The following DLG2 variants were observed in gnomAD, a reference collection of about 807,000 sequenced individuals.
DLG2 encodes the protein disks large homolog 2.
A neutral mutation model predicts 132.5 loss-of-function variants in DLG2; 45 were observed. The ratio of observed to expected loss-of-function variants is 0.34; its 90% confidence interval spans 0.27 to 0.44. The LOEUF (loss-of-function observed/expected upper bound fraction) is 0.44. Ranked by LOEUF, DLG2 falls within the 20% of genes least tolerant of loss-of-function variation. DLG2 has a pLI of 1.00. For missense variants in DLG2, 1,045 were observed against 1,196.9 expected (o/e 0.87, Z 1.87); for synonymous variants, 424 against 419.6 (o/e 1.01, Z -0.13).
intron 6 of DLG2, among the ~76,000 whole-genome samples, chr11:84,698,351 T>G (rs2058840260): frequency 6.6e-6 from 1 of 151,532 alleles, no homozygotes; most frequent in Admixed American, 6.6e-5. Context: ...TTAGTTCATT[T>G]CCTTCTTACA....
chr11:84,374,546 ATTC>A (rs1334103102), intron 7 of DLG2, among the ~76,000 whole-genome samples: 16 of 151,994 alleles, frequency 1.1e-4, no homozygotes, highest in African/African-American at 1.9e-4. Context: ...GCCCAAGACA[ATTC>A]TTCTTCTTCC....
intron 11 of DLG2, among the ~76,000 whole-genome samples, chr11:83,983,509 A>G (rs960259899): frequency 6.6e-6 from 1 of 152,108 alleles, no homozygotes; most frequent in African/African-American, 2.4e-5. Context: ...CTCTTAAGAT[A>G]GCATAAATAG....
intron 6 of DLG2, among the ~76,000 whole-genome samples, chr11:84,854,093 C>A (rs1272045951): frequency 6.6e-6 from 1 of 151,946 alleles, no homozygotes; most frequent in Non-Finnish European, 1.5e-5. Flanking sequence ...TATATGTTGA[C>A]AGGATGAGGT....
intron 6 of DLG2, among the ~76,000 whole-genome samples, chr11:84,721,810 G>A (rs2061866779): frequency 6.6e-6 from 1 of 152,124 alleles, no homozygotes; most frequent in Non-Finnish European, 1.5e-5. Flanking sequence ...ACCCCTGTTT[G>A]CTTACCTGTA....
intron 6 of DLG2, among the ~76,000 whole-genome samples, chr11:85,092,882 C>G (rs952799884): frequency 6.6e-6 from 1 of 152,118 alleles, no homozygotes; most frequent in African/African-American, 2.4e-5. Flanking sequence ...ACCTCATGAT[C>G]CACCTGTCTT....
At chr11:85,544,805 AT>A (rs542883411) in intron 3 of DLG2, among the ~76,000 whole-genome samples, 152 of 152,254 alleles carry the variant, frequency 1.0e-3, no homozygotes, top group Middle Eastern at 6.8e-3. Context: ...TTACTGGCGT[AT>A]AAGAACGCTT....
intron 15 of DLG2, among the ~76,000 whole-genome samples, chr11:83,914,349 C>G (rs985864379): frequency 6.6e-6 from 1 of 152,182 alleles, no homozygotes; most frequent in Admixed American, 6.5e-5. Flanking sequence ...GATTCTCATA[C>G]AGCCTGCAGG....
intron 7 of DLG2, among the ~76,000 whole-genome samples, chr11:84,453,366 AG>A (rs2099056789): frequency 6.6e-6 from 1 of 151,652 alleles, no homozygotes; most frequent in South Asian, 2.1e-4. Flanking sequence ...GGGATAAGAA[AG>A]TTGAGGTTCT....
intron 17 of DLG2, among the ~76,000 whole-genome samples, chr11:83,802,762 A>T (rs981567928): frequency 6.6e-6 from 1 of 152,170 alleles, no homozygotes; most frequent in African/African-American, 2.4e-5. Context: ...AGCAAGCTGT[A>T]GAACTATATG....
intron 9 of DLG2, among the ~76,000 whole-genome samples, chr11:84,129,540 G>A (rs1020345418): frequency 1.3e-5 from 2 of 152,074 alleles, no homozygotes; most frequent in African/African-American, 4.8e-5. Context: ...CATGATGTGA[G>A]ATGGCCTGTC....
At chr11:85,449,790 G>GT (rs60329092) in intron 3 of DLG2, among the ~76,000 whole-genome samples, 140,333 of 144,688 alleles carry the variant, frequency 0.97, 68,090 homozygotes, top group Middle Eastern at 0.99. Flanking sequence ...ACTACCTAAA[G>GT]TTTTTTTTTT....
chr11:84,740,590 G>A (rs140962090), intron 6 of DLG2, among the ~76,000 whole-genome samples: 4 of 152,242 alleles, frequency 2.6e-5, no homozygotes, highest in Non-Finnish European at 4.4e-5. Flanking sequence ...AGTAGCTACT[G>A]CACCTCTCCA....
Position 84,502,218 on chromosome 11 carries a change from CCTTCCTTCCTTCCTTCCTTCCTTCCT to C in DLG2, c.519+32326_519+32351del, listed in dbSNP as rs2099212566. On this transcript the variant is annotated intron_variant, in intron 7 of 27. Transcript: ENST00000376104. Reference sequence around the variant, plus strand: ...TCTCTCTCTCCTTCCTTCCTTCCTTCCTTCCTTCCTTCCTTCCTTCCTTCCTTCCTTCCTTCCTTCCTTCCTTCCTT... The same window carrying C: ...TCTCTCTCTCCTTCCTTCCTTCCTTCTCCTTCCTTCCTTCCTTCCTTCCTT... 3.7e-3 allele frequency among the ~76,000 whole-genome samples: 43 copies of C among 11,678 alleles called. 8 individuals are homozygous for C. The highest frequency in any genetic ancestry group is 5.0e-3 in the Non-Finnish European group (35 of 6,980). The allele number at this position is 11,678 out of a possible 152,430, so 7.7% of individuals were successfully genotyped here.
chr11:83,937,728 AC>A (rs2081811220), intron 14 of DLG2, among the ~76,000 whole-genome samples: 2 of 152,142 alleles, frequency 1.3e-5, no homozygotes, highest in African/African-American at 4.8e-5. Context: ...CATATAAATA[AC>A]CTCACTAGGA....
rs562025780 is a variant in DLG2 at position 84,343,012 on chromosome 11, T to C, written c.520-91721A>G. On this transcript the variant is annotated intron_variant, in intron 7 of 27. Transcript: ENST00000376104. ...CCTGCCCTGTAGGATCTTTTCAGTC[T>C]AGTGAAGAAGGCAGTCTTACCAAAA... is the stretch of plus-strand genomic sequence containing the variant. 7.2e-5 allele frequency among the ~76,000 whole-genome samples: 11 copies of C among 152,280 alleles called. No homozygotes were observed. The South Asian group carries it at 2.3e-3, about 32-fold the overall frequency.
intron 18 of DLG2, among the ~76,000 whole-genome samples, chr11:83,694,650 C>A (rs2081566598): frequency 6.6e-6 from 1 of 152,194 alleles, no homozygotes; most frequent in South Asian, 2.1e-4. Context: ...TCTCTTATTT[C>A]TTCCTAGTAT....
chr11:85,504,076 AAATTTGTTTAAGTTCTTTG>A (rs1471146300), intron 3 of DLG2, among the ~76,000 whole-genome samples: 3 of 152,102 alleles, frequency 2.0e-5, no homozygotes, highest in African/African-American at 7.2e-5. Flanking sequence ...TTTTCCTTGT[AAATTTGTTTAAGTTCTTTG>A]TAGATTCTGG....
intron 6 of DLG2, among the ~76,000 whole-genome samples, chr11:84,868,491 C>G (rs58755454): frequency 0.054 from 8,227 of 152,020 alleles, 378 homozygotes; most frequent in African/African-American, 0.12. Flanking sequence ...ATTTCGTAAC[C>G]AGAGAAACAG....
At chr11:85,461,744 T>G (rs922494761) in intron 3 of DLG2, among the ~76,000 whole-genome samples, 1 of 152,140 alleles carries the variant, frequency 6.6e-6, no homozygotes, top group African/African-American at 2.4e-5. Context: ...TAGCATGTAG[T>G]GAACTCCCTA....
Sources: allele counts gnomAD v4.1 joint callset (sites outside exome capture counted in the v4.1 genomes callset), GRCh38; gene constraint gnomAD v4.1.1; transcripts MANE v1.5; gene names NCBI Gene and HGNC (gene_info 2026-07-23, HGNC 2026-07-21).